The following SUCLA2 variants were observed in gnomAD, a reference collection of about 807,000 sequenced individuals.
SUCLA2 encodes succinate--CoA ligase [ADP-forming] subunit beta, mitochondrial.
Under a neutral mutation model 54.8 loss-of-function variants are expected in SUCLA2, and 30 were observed. That is an observed-to-expected ratio of 0.55 (90% CI 0.41 to 0.74). SUCLA2 has a LOEUF of 0.74. Ranked by LOEUF, SUCLA2 falls within the 30% of genes least tolerant of loss-of-function variation. The probability of loss-of-function intolerance (pLI) is 0.00; values close to 1 mark genes in which losing one functional copy is unlikely to be tolerated. For synonymous variants in SUCLA2, 172 were observed against 188.9 expected, an observed-to-expected ratio of 0.91 and a Z score of 0.74; for missense variants, 476 against 562.9, an observed-to-expected ratio of 0.85 and a Z score of 1.56.
chr13:47,954,684 C>A, intron 6 of SUCLA2, 127 bp from the exon 7 acceptor site: 1 of 1,031,968 alleles, frequency 9.7e-7, no homozygotes, highest in South Asian at 1.6e-5. Context: ...GAAAATATTT[C>A]AATTTATGTT....
chr13:48,000,723 G>C (rs1346368537), intron 1 of SUCLA2, among the ~76,000 whole-genome samples: 1 of 152,226 alleles, frequency 6.6e-6, no homozygotes, highest in Non-Finnish European at 1.5e-5. Context: ...CAAAAGGCAA[G>C]TCAGTAAGCA....
intron 4 of SUCLA2, among the ~76,000 whole-genome samples, chr13:47,979,054 T>C (rs972082266): frequency 2.6e-5 from 4 of 152,224 alleles, no homozygotes; most frequent in African/African-American, 9.6e-5. Context: ...GGAACACTTT[T>C]ACACTTTTGG....
At position 48,000,575 on chromosome 13, in the gene SUCLA2, G is replaced by C. The variant is rs554007655; in HGVS notation, c.90+605C>G. ...TAACTATTATGCTATAGCCTATCCA[G>C]AAATAAGGCTATACAAAAGATTATT... On this transcript the variant is annotated intron_variant, in intron 1 of 10. Transcript: ENST00000646932. 3.9e-5 allele frequency among the ~76,000 whole-genome samples: 6 copies of C among 152,292 alleles called. No homozygotes were observed. The East Asian group carries it at 9.6e-4, about 24-fold the overall frequency.
chr13:47,989,028 CCAGA>C (rs777205989), intron 2 of SUCLA2, 47 bp from the exon 3 acceptor site: 162 of 1,542,382 alleles, frequency 1.1e-4, no homozygotes, highest in Admixed American at 6.0e-4. Flanking sequence ...GAGCAGCATG[CCAGA>C]CATAGTATTT....
At chr13:47,998,786 C>G (rs1034949457) in intron 1 of SUCLA2, among the ~76,000 whole-genome samples, 9 of 152,148 alleles carry the variant, frequency 5.9e-5, no homozygotes, top group African/African-American at 2.2e-4. Flanking sequence ...CTTCTGAGGG[C>G]TGGAAACATT....
chr13:47,949,640 A>G, intron 8 of SUCLA2, 37 bp from the exon 9 acceptor site: 1 of 1,606,810 alleles, frequency 6.2e-7, no homozygotes, highest in Non-Finnish European at 8.5e-7. Flanking sequence ...AAAATTTAAA[A>G]GAAATTTAAG....
intron 4 of SUCLA2, among the ~76,000 whole-genome samples, chr13:47,978,238 A>G (rs1197864398): frequency 6.6e-6 from 1 of 152,210 alleles, no homozygotes; most frequent in East Asian, 1.9e-4. Context: ...ACAAAGCTGG[A>G]GGCATCACGC....
chr13:47,973,352 A>G lies in SUCLA2; in HGVS notation c.575T>C (p.Ile192Thr). ...LIGSSHGGVNIEDVAAESPEA... is the reference protein window; with the variant it reads ...LIGSSHGGVNTEDVAAESPEA... ...AGGAGACTCAGCAGCAACATCTTCAATGTTGACACCACCATGTGAACTTCC... is the reference window on the plus strand; with the variant it reads ...AGGAGACTCAGCAGCAACATCTTCAGTGTTGACACCACCATGTGAACTTCC... Residue 192 changes from isoleucine to threonine, a missense_variant, in exon 5 of 11, where the codon ATT becomes ACT. Around this residue, in one of 2 missense-constraint regions of SUCLA2, gnomAD observed 342 missense variants for 444.2 expected, o/e 0.77. Coordinates refer to ENST00000646932, the MANE Select transcript of SUCLA2 (RefSeq NM_003850.3). 2.5e-6 allele frequency: 4 copies of G among 1,613,778 alleles called. No individual in the cohort carries two copies. The highest frequency in any genetic ancestry group is 3.4e-6 in the Non-Finnish European group (4 of 1,179,920).
chr13:47,975,444 C>A (rs1221047766), intron 4 of SUCLA2, among the ~76,000 whole-genome samples: 1 of 152,040 alleles, frequency 6.6e-6, no homozygotes, highest in Non-Finnish European at 1.5e-5. Context: ...ACCCACCATG[C>A]CCAGCCTAAT....
In SUCLA2 at chr13:47,997,007, C is replaced by G. The variant is rs562054688; in HGVS notation, c.107G>C (p.Gly36Ala). The G allele has an allele frequency of 3.1e-6, 5 of 1,614,082 alleles. No homozygotes were observed. In the South Asian group the frequency reaches 4.4e-5, roughly 14 times the overall value. ...RAAAQVLGSS[G>A]LFNNHGLQVQ... ...TTGGAGTCCATGGTTATTAAACAAT[C>G]CAGAACTTCCCAGAACCTAGAAAGA... is the stretch of plus-strand genomic sequence containing the variant. Residue 36 changes from glycine to alanine, a missense_variant, in exon 2 of 11, where the codon GGA becomes GCA. Around this residue, in one of 2 missense-constraint regions of SUCLA2, gnomAD observed 134 missense variants for 118.7 expected, o/e 1.13. Transcript: ENST00000646932.
rs1219235114 is a variant in SUCLA2 at position 47,958,058 on chromosome 13, T to A, written c.803-3501A>T. 2.0e-5 allele frequency among the ~76,000 whole-genome samples: 3 copies of A among 152,178 alleles called. No individual in the cohort carries two copies. The East Asian group carries it at 5.8e-4, about 29-fold the overall frequency. On this transcript the variant is annotated intron_variant, in intron 6 of 10. Transcript: ENST00000646932. The stretch of plus-strand genomic sequence containing the variant: ...TTTGCTGCTGAATGAAAAAGTGGGA[T>A]GGAGTTGTGTGTTACCCAGACTTTT...
intron 6 of SUCLA2, among the ~76,000 whole-genome samples, chr13:47,964,339 T>C (rs953926952): frequency 1.3e-5 from 2 of 152,192 alleles, no homozygotes; most frequent in Admixed American, 6.5e-5. Flanking sequence ...ACAATGTGAA[T>C]GCAAAGAGGT....
intron 4 of SUCLA2, among the ~76,000 whole-genome samples, chr13:47,983,217 TTTAA>T (rs1862977112): frequency 6.6e-6 from 1 of 152,206 alleles, no homozygotes; most frequent in African/African-American, 2.4e-5. Context: ...GAAATGATGG[TTTAA>T]TTTTCAGTTC....
intron 6 of SUCLA2, among the ~76,000 whole-genome samples, chr13:47,966,576 A>T (rs1053108108): frequency 2.0e-5 from 3 of 151,934 alleles, no homozygotes; most frequent in East Asian, 3.9e-4. Flanking sequence ...ACCAACCTAA[A>T]TATTAAGAAA....
chr13:47,991,259 C>CTACACTTT (rs1304817878), intron 2 of SUCLA2, among the ~76,000 whole-genome samples: 25 of 152,184 alleles, frequency 1.6e-4, no homozygotes, highest in African/African-American at 5.5e-4. Flanking sequence ...ATAATACCCT[C>CTACACTTT]TACACTTTTT....
Position 48,001,266 on chromosome 13 carries a change from C to T in SUCLA2, c.4G>A (p.Ala2Thr). M[A>T]ASMFYGRLVA... is the part of the protein sequence containing the mutation. ...AGCCTGCCGTAGAACATGGAGGCCG[C>T]CATTTCTGAGTCGGACCCCGTCCCC... The change falls in exon 1 of 11, where the codon GCG becomes ACG. Residue 2 changes from alanine (A) to threonine (T), a missense_variant. This residue lies in a region of SUCLA2 where 134 missense variants were observed against 118.7 expected (regional missense o/e 1.13). Coordinates refer to ENST00000646932, the MANE Select transcript of SUCLA2 (RefSeq NM_003850.3). The T allele has an allele frequency of 6.9e-6, 11 of 1,599,902 alleles. No homozygotes were observed. The highest frequency in any genetic ancestry group is 9.4e-6 in the Non-Finnish European group (11 of 1,173,972).
chr13:47,972,277 A>G (rs915989664), intron 5 of SUCLA2, among the ~76,000 whole-genome samples: 6 of 152,108 alleles, frequency 3.9e-5, no homozygotes, highest in African/African-American at 1.4e-4. Flanking sequence ...TAAAATAACA[A>G]TGAAGAACCG....
rs1282208356 is a variant in SUCLA2, at chr13:47,954,204, A to G, written c.1043T>C (p.Val348Ala). 1 of 1,613,818 alleles carries G rather than the reference A, an allele frequency of 6.2e-7. No homozygotes were observed. ...HGGTPANFLD[V>A]GGGATVHQVT... is the part of the protein sequence containing the mutation. The stretch of plus-strand genomic sequence containing the variant: ...TTGATGGACTGTAGCACCACCACCA[A>G]CATCAAGGAAGTTGGCTGGAGTCCC... The change falls in exon 8 of 11, where the codon GTT becomes GCT. Residue 348 changes from valine (V) to alanine (A), a missense_variant. Physicochemically the swap from Val to Ala is moderately conservative, Grantham distance 64. This residue lies in a region of SUCLA2 where 342 missense variants were observed against 444.2 expected (regional missense o/e 0.77). Transcript: ENST00000646932.
intron 4 of SUCLA2, among the ~76,000 whole-genome samples, chr13:47,983,425 C>A (rs1010684561): frequency 6.6e-6 from 1 of 151,536 alleles, no homozygotes; most frequent in African/African-American, 2.4e-5. Context: ...TTTTATTCAA[C>A]AGGAGAGGTA....
Sources: gnomAD v4.1 joint callset for allele counts (sites outside exome capture counted in the v4.1 genomes callset) on GRCh38, gnomAD v4.1.1 for gene constraint, gnomAD v4.1.1 regional missense constraint, MANE v1.5 for transcripts, NCBI Gene and HGNC (gene_info 2026-07-23, HGNC 2026-07-21) for gene names.